Variants in KIRREL3 observed in about 807,000 individuals in gnomAD.
KIRREL3 encodes the protein kirre like nephrin family adhesion molecule 3.
A neutral mutation model predicts 89.7 loss-of-function variants in KIRREL3; 36 were observed. That is an observed-to-expected ratio of 0.40 (90% CI 0.31 to 0.53). The LOEUF (loss-of-function observed/expected upper bound fraction) is 0.53, where lower values mean the gene tolerates loss of function less well. KIRREL3 is among the 20% of genes least tolerant of loss of function. The pLI is 0.49. For synonymous variants in KIRREL3, 445 were observed against 441.4 expected (o/e 1.01, Z -0.10); for missense variants, 864 against 1,056.6 (o/e 0.82, Z 2.53).
chr11:126,794,371 TG>T (rs1950738499), intron 1 of KIRREL3, among the ~76,000 whole-genome samples: 1 of 152,204 alleles, frequency 6.6e-6, no homozygotes, highest in South Asian at 2.1e-4. Flanking sequence ...CAAGAGGACA[TG>T]GGCTTTTTAG....
Position 126,626,156 on chromosome 11 carries a change from T to C in KIRREL3, c.56-63244A>G, listed in dbSNP as rs148686994. 1.7e-3 allele frequency among the ~76,000 whole-genome samples: 253 copies of C among 152,350 alleles called. 2 individuals are homozygous for C. The highest frequency in any genetic ancestry group is 6.0e-3 in the African/African-American group (251 of 41,588). On this transcript the variant is annotated intron_variant, in intron 1 of 16. Transcript: ENST00000525144. ...ATACATGTTTCTATAGTCCTGGGTC[T>C]AGGAGGGACCCTTGGGGGCTTGAGA...
intron 1 of KIRREL3, among the ~76,000 whole-genome samples, chr11:126,880,196 C>T (rs948582893): frequency 2.0e-5 from 3 of 152,162 alleles, no homozygotes; most frequent in Admixed American, 6.5e-5. Context: ...TACAAAGAGC[C>T]TGGAATCTAG....
chr11:126,706,042 T>C lies in KIRREL3; in HGVS notation c.56-143130A>G, dbSNP rs571925813. On this transcript the variant is annotated intron_variant, in intron 1 of 16. Transcript: ENST00000525144. Reference sequence around the variant, plus strand: ...CCTAGTCAACAGCCAGTGCTGATTATCAGCCATGTGAGTGAACCACTAGGG... The same window carrying C: ...CCTAGTCAACAGCCAGTGCTGATTACCAGCCATGTGAGTGAACCACTAGGG... Among the ~76,000 whole-genome samples, 159 of 152,320 alleles carry C rather than the reference T, an allele frequency of 1.0e-3. 2 individuals carry two copies. In the South Asian group the frequency reaches 0.024, roughly 23 times the overall value.
chr11:126,470,010 G>A (rs1031319481), intron 5 of KIRREL3, among the ~76,000 whole-genome samples: 4 of 152,236 alleles, frequency 2.6e-5, no homozygotes, highest in Admixed American at 6.5e-5. Flanking sequence ...TGCCGTTCCC[G>A]TCACAGGCCC....
chr11:126,758,568 C>G (rs1949576750), intron 1 of KIRREL3, among the ~76,000 whole-genome samples: 2 of 152,218 alleles, frequency 1.3e-5, no homozygotes, highest in South Asian at 4.1e-4. Context: ...ATTCCCTCCC[C>G]TCTCCCCACC....
chr11:126,952,249 G>A (rs1012727522), intron 1 of KIRREL3, among the ~76,000 whole-genome samples: 3 of 152,158 alleles, frequency 2.0e-5, no homozygotes, highest in African/African-American at 7.2e-5. Flanking sequence ...AGCTGGGTGT[G>A]GTGGCACATG....
chr11:126,958,813 C>T (rs1948999216), intron 1 of KIRREL3, among the ~76,000 whole-genome samples: 1 of 152,192 alleles, frequency 6.6e-6, no homozygotes, highest in African/African-American at 2.4e-5. Context: ...TTTGTCCCTT[C>T]TTCCTCCTCT....
In KIRREL3 at chr11:126,531,064, A is replaced by G. The variant is rs555922225; in HGVS notation, c.134-4377T>C. Among the ~76,000 whole-genome samples, 1 of 152,146 alleles carries G rather than the reference A, an allele frequency of 6.6e-6. No homozygotes were observed. Among genetic ancestry groups the G allele is most frequent in the Non-Finnish European group, 1.5e-5 (1 of 67,974 alleles). On this transcript the variant is annotated intron_variant, in intron 2 of 16. Coordinates refer to ENST00000525144, the MANE Select transcript of KIRREL3 (RefSeq NM_032531.4). The surrounding 1 kb of genome is among the most constrained non-coding windows in gnomAD (Gnocchi z 4.7). The stretch of plus-strand genomic sequence containing the variant: ...AGGCTGGTCTCGAACTCCTGACCTC[A>G]TGATCCACCTGCCTCGACCTCCCAA...
chr11:126,799,253 TCTGTGTGCGTGTGCATGTAC>T (rs2134385347), intron 1 of KIRREL3, among the ~76,000 whole-genome samples: 1 of 145,510 alleles, frequency 6.9e-6, no homozygotes, highest in South Asian at 2.2e-4. Context: ...GATGTGTGTA[TCTGTGTGCGTGTGCATGTAC>T]CTGTGTGTGC....
intron 1 of KIRREL3, among the ~76,000 whole-genome samples, chr11:126,933,381 G>C (rs1168635151): frequency 1.3e-5 from 2 of 151,742 alleles, no homozygotes; most frequent in Non-Finnish European, 2.9e-5. Context: ...GTCCCTATTT[G>C]TAAGCCCTTC....
intron 1 of KIRREL3, among the ~76,000 whole-genome samples, chr11:126,625,514 A>G (rs912640157): frequency 6.6e-6 from 1 of 152,120 alleles, no homozygotes; most frequent in African/African-American, 2.4e-5. Context: ...TTATCTTGAA[A>G]CAAGACAAAT....
At chr11:126,665,272 G>A (rs745955763) in intron 1 of KIRREL3, among the ~76,000 whole-genome samples, 5 of 152,174 alleles carry the variant, frequency 3.3e-5, no homozygotes, top group African/African-American at 4.8e-5. Flanking sequence ...TGTGCCACAC[G>A]TGTGTTTTGT....
At chr11:126,542,049 A>G (rs1330136716) in intron 2 of KIRREL3, among the ~76,000 whole-genome samples, 2 of 152,184 alleles carry the variant, frequency 1.3e-5, no homozygotes, top group African/African-American at 2.4e-5. Flanking sequence ...ATGCTCAAGG[A>G]TTCCAAAGGC....
At chr11:126,613,615 A>G (rs547929853) in intron 1 of KIRREL3, among the ~76,000 whole-genome samples, 3 of 152,238 alleles carry the variant, frequency 2.0e-5, no homozygotes, top group African/African-American at 7.2e-5. Context: ...TTATTTTTGT[A>G]ATCATCTTCT....
intron 1 of KIRREL3, among the ~76,000 whole-genome samples, chr11:126,923,130 T>TCCTCCTTCTTCTCCTTCTC (rs373421868): frequency 6.1e-5 from 1 of 16,304 alleles, no homozygotes; most frequent in Non-Finnish European, 1.2e-4. Context: ...CTCCTTCTTC[T>TCCTCCTTCTTCTCCTTCTC]CTTCTTCTTC....
rs1274779650 is a variant in KIRREL3 at position 126,914,745 on chromosome 11, G to A, written c.55+85710C>T. On this transcript the variant is annotated intron_variant, in intron 1 of 16. Coordinates refer to ENST00000525144, the MANE Select transcript of KIRREL3 (RefSeq NM_032531.4). ...CATGTTTGAATGAAAATATCTTAGTGTACAAATTATCACTTTACAATTAAT... is the reference window on the plus strand; with the variant it reads ...CATGTTTGAATGAAAATATCTTAGTATACAAATTATCACTTTACAATTAAT... 4.6e-5 allele frequency among the ~76,000 whole-genome samples: 7 copies of A among 152,308 alleles called. No individual in the cohort carries two copies. The East Asian group carries it at 9.6e-4, about 21-fold the overall frequency.
chr11:126,554,163 C>CT (rs1939513216), intron 2 of KIRREL3, among the ~76,000 whole-genome samples: 1 of 152,204 alleles, frequency 6.6e-6, no homozygotes. Flanking sequence ...TTTATGTACT[C>CT]TTCTGGGCAC....
chr11:126,612,097 T>C lies in KIRREL3; in HGVS notation c.56-49185A>G, dbSNP rs1275071478. The stretch of plus-strand genomic sequence containing the variant: ...GCAGTTGGGTGTGTATTTGGTAACC[T>C]GTCTTCCTCCTGCTGAAATATCAAC... On this transcript the variant is annotated intron_variant, in intron 1 of 16. Coordinates refer to ENST00000525144, the MANE Select transcript of KIRREL3 (RefSeq NM_032531.4). The surrounding 1 kb of genome is among the most constrained non-coding windows in gnomAD (Gnocchi z 4.5). Among the ~76,000 whole-genome samples, 1 of 152,240 alleles carries C rather than the reference T, an allele frequency of 6.6e-6. No individual in the cohort carries two copies. The highest frequency in any genetic ancestry group is 2.4e-5 in the African/African-American group (1 of 41,460).
chr11:126,661,279 G>C (rs1050113249), intron 1 of KIRREL3, among the ~76,000 whole-genome samples: 1 of 152,118 alleles, frequency 6.6e-6, no homozygotes, highest in East Asian at 1.9e-4. Flanking sequence ...AGTATTGTTT[G>C]GTTGTGTGTT....
Sources: gnomAD v4.1 joint callset for allele counts (sites outside exome capture counted in the v4.1 genomes callset) on GRCh38, gnomAD v4.1.1 for gene constraint, Gnocchi (gnomAD v3.1) non-coding constraint, MANE v1.5 for transcripts, NCBI Gene and HGNC (gene_info 2026-07-23, HGNC 2026-07-21) for gene names.